HSD17B7: variants seen among roughly 807,000 people sequenced by gnomAD.
HSD17B7 encodes the protein 3-keto-steroid reductase/17-beta-hydroxysteroid dehydrogenase 7.
Under a neutral mutation model 34.1 loss-of-function variants are expected in HSD17B7, and 17 were observed. The ratio of observed to expected loss-of-function variants is 0.50; its 90% CI spans 0.34 to 0.75. The LOEUF is 0.75. Among genes scored for constraint, HSD17B7 ranks in the 30% least tolerant of loss-of-function variants. The pLI is 0.01. For missense variants in HSD17B7, 296 were observed against 406.6 expected, an observed-to-expected ratio of 0.73 and a Z score of 2.34; for synonymous variants, 122 against 154.6, an observed-to-expected ratio of 0.79 and a Z score of 1.56.
At chr1:162,792,893 C>T in intron 2 of HSD17B7, 31 bp downstream of exon 2, 1 of 1,600,464 alleles carries the variant, frequency 6.2e-7, no homozygotes, top group African/African-American at 1.3e-5. Context: ...TTTTTTTTCT[C>T]ATGTGATTGT....
At chr1:162,805,672 C>T (rs1648959509) in intron 8 of HSD17B7, among the ~76,000 whole-genome samples, 180 bp downstream of exon 8, 1 of 152,180 alleles carries the variant, frequency 6.6e-6, no homozygotes, top group Non-Finnish European at 1.5e-5. Flanking sequence ...CATCTTATTC[C>T]CCCGACTTGA....
intron 8 of HSD17B7, among the ~76,000 whole-genome samples, chr1:162,808,521 T>C (rs1187540532): frequency 2.0e-5 from 3 of 152,226 alleles, no homozygotes; most frequent in Non-Finnish European, 4.4e-5. Context: ...ATTGGTAGCT[T>C]GATGGGGATG....
At chr1:162,804,925 CA>C (rs1648930264) in intron 7 of HSD17B7, among the ~76,000 whole-genome samples, 1 of 152,220 alleles carries the variant, frequency 6.6e-6, no homozygotes, top group South Asian at 2.1e-4. Flanking sequence ...GCTCCAGAGG[CA>C]GCCTCTGCTA....
chr1:162,812,630 A>T lies in HSD17B7; in HGVS notation c.*210A>T. The T allele has an allele frequency of 2.6e-6, 1 of 391,694 alleles. No individual in the cohort carries two copies. The highest frequency in any genetic ancestry group is 3.9e-5 in the Admixed American group (1 of 25,902). 24.3% of individuals were successfully genotyped at this position (391,694 alleles called of 1,614,324 possible). On this transcript the variant is annotated 3_prime_UTR_variant, in exon 9 of 9. Transcript: ENST00000254521. ...GAGGCAGAGGTTGCAGTGAGCTGAG[A>T]TTGTGCCACTGCACTCCAGCCTGGG...
intron 2 of HSD17B7, 186 bp downstream of exon 2, chr1:162,793,048 T>A: frequency 2.0e-6 from 1 of 495,926 alleles, no homozygotes. Flanking sequence ...TTTTTTTTTT[T>A]AAAGAGATGG....
chr1:162,808,272 G>A (rs1041060808), intron 8 of HSD17B7, among the ~76,000 whole-genome samples: 9 of 151,918 alleles, frequency 5.9e-5, no homozygotes, highest in Non-Finnish European at 4.4e-5. Context: ...AAGATCAGAT[G>A]GTTGTAGATA....
chr1:162,811,444 GA>G (rs1649167740), intron 8 of HSD17B7, among the ~76,000 whole-genome samples: 1 of 152,176 alleles, frequency 6.6e-6, no homozygotes, highest in Non-Finnish European at 1.5e-5. Flanking sequence ...TGTGAACAAA[GA>G]GGCTGTTCTT....
At chr1:162,805,955 G>T (rs1037751145) in intron 8 of HSD17B7, among the ~76,000 whole-genome samples, 3 of 152,090 alleles carry the variant, frequency 2.0e-5, no homozygotes, top group African/African-American at 7.2e-5. Context: ...GAAATATGAA[G>T]TGTTTTTCTG....
At chr1:162,805,280 G>C in intron 7 of HSD17B7, 114 bp from the exon 8 acceptor site, 6 of 1,408,220 alleles carry the variant, frequency 4.3e-6, no homozygotes, top group Non-Finnish European at 4.7e-6. Flanking sequence ...TGATATTTGA[G>C]AGGATGTTTA....
chr1:162,798,084 G>A (rs901745608), intron 4 of HSD17B7, 168 bp downstream of exon 4: 9 of 1,203,970 alleles, frequency 7.5e-6, no homozygotes, highest in African/African-American at 3.1e-5. Context: ...AATACTTCTG[G>A]AAGCTTTCCT....
At chr1:162,808,607 A>C (rs1649069669) in intron 8 of HSD17B7, among the ~76,000 whole-genome samples, 1 of 152,170 alleles carries the variant, frequency 6.6e-6, no homozygotes, top group African/African-American at 2.4e-5. Flanking sequence ...TGAGCATGGA[A>C]TGTTCTTCCA....
intron 7 of HSD17B7, 34 bp downstream of exon 7, chr1:162,804,357 GA>G (rs1285474026): frequency 7.7e-7 from 1 of 1,293,436 alleles, no homozygotes; most frequent in African/African-American, 1.5e-5. Flanking sequence ...CTTGTATGAT[GA>G]CTTAGCAGAT....
rs1239040777 is a variant in HSD17B7 at position 162,800,179 on chromosome 1, A to G, written c.642+242A>G. On this transcript the variant is annotated intron_variant, in intron 5 of 8. Coordinates refer to ENST00000254521, the MANE Select transcript of HSD17B7 (RefSeq NM_016371.4). The stretch of plus-strand genomic sequence containing the variant: ...ACAGAGTGACACTACTAAAAGTGAT[A>G]ATAGCTACTGTGTTGGTACTTGCTG... 4.6e-6 allele frequency: 3 copies of G among 651,720 alleles called. No homozygotes were observed. The Admixed American group carries it at 6.2e-5, about 14-fold the overall frequency. The allele number at this position is 651,720 out of a possible 1,614,324, so 40.4% of individuals were successfully genotyped here.
Position 162,792,731 on chromosome 1 carries a change from G to T in HSD17B7, c.108G>T (p.Arg36Ser). 6.2e-7 allele frequency: 1 copy of T among 1,614,198 alleles called. No individual in the cohort carries two copies. ...DDELHLCLAC[R>S]NMSKAEAVCA... ...AGCTTCATCTGTGTTTGGCGTGCAG[G>T]AACATGAGCAAGGCAGAAGCTGTCT... Residue 36 changes from arginine to serine, a missense_variant, in exon 2 of 9, where the codon AGG (arginine) becomes AGT (serine). Transcript: ENST00000254521.
At chr1:162,812,235 T>A (rs939148385) in intron 8 of HSD17B7, 63 bp from the exon 9 acceptor site, 32 of 1,540,622 alleles carry the variant, frequency 2.1e-5, no homozygotes, top group African/African-American at 7.0e-5. Context: ...GCCTTTTTTT[T>A]ATACAAATAC....
intron 2 of HSD17B7, chr1:162,795,699 A>C: frequency 2.3e-5 from 10 of 428,276 alleles, no homozygotes; most frequent in South Asian, 1.7e-4. Flanking sequence ...AGAAGCTATG[A>C]CTCTTAATAT....
At chr1:162,791,762 T>C (rs113733957) in intron 1 of HSD17B7, among the ~76,000 whole-genome samples, 222 of 152,082 alleles carry the variant, frequency 1.5e-3, no homozygotes, top group African/African-American at 5.1e-3. Context: ...ACATGTGCAA[T>C]TGTATATTAA....
chr1:162,807,814 T>C (rs1649035290), intron 8 of HSD17B7, among the ~76,000 whole-genome samples: 1 of 152,226 alleles, frequency 6.6e-6, no homozygotes, highest in African/African-American at 2.4e-5. Flanking sequence ...CACTTGTTGA[T>C]GGGGTTGTTT....
chr1:162,805,234 A>G (rs1340418880), intron 7 of HSD17B7, among the ~76,000 whole-genome samples, 160 bp from the exon 8 acceptor site: 2 of 152,236 alleles, frequency 1.3e-5, no homozygotes, highest in Non-Finnish European at 2.9e-5. Flanking sequence ...CTATATTTTA[A>G]TTGGTTCTCA....
Sources: allele counts gnomAD v4.1 joint callset (sites outside exome capture counted in the v4.1 genomes callset), GRCh38; gene constraint gnomAD v4.1.1; transcripts MANE v1.5; gene names NCBI Gene and HGNC (gene_info 2026-07-23, HGNC 2026-07-21).